The following ZFYVE9 variants were observed in gnomAD, a reference collection of about 807,000 sequenced individuals.
The protein encoded by ZFYVE9 is zinc finger FYVE-type containing 9.
A neutral mutation model predicts 126.7 loss-of-function variants in ZFYVE9; 43 were observed. The ratio of observed to expected loss-of-function variants is 0.34; its 90% CI spans 0.27 to 0.44. The LOEUF is 0.44. ZFYVE9 is among the 20% of genes least tolerant of loss of function. The pLI, the probability that ZFYVE9 is intolerant of heterozygous loss-of-function variation, is 1.00. For synonymous variants in ZFYVE9, 521 were observed against 597.4 expected (o/e 0.87, Z 1.87); for missense variants, 1,476 against 1,697.0 (o/e 0.87, Z 2.29).
chr1:52,278,705 ATATAGAGCCACATCTTTTTT>A lies in ZFYVE9; in HGVS notation c.2869+93_2869+112del, dbSNP rs1399502473. 6.4e-5 allele frequency: 54 copies of A among 849,772 alleles called. No homozygotes were observed. The Admixed American group carries it at 1.7e-3, about 27-fold the overall frequency. The allele number at this position is 849,772 out of a possible 1,614,324, so 52.6% of individuals were successfully genotyped here. ...AGATTTATTACACACAAGTATTTTT[ATATAGAGCCACATCTTTTTT>A]TTTTTCTTTTTTTTTTTTTGAGACA... On this transcript the variant is annotated intron_variant, in intron 9 of 18. Coordinates refer to ENST00000287727, the MANE Select transcript of ZFYVE9 (RefSeq NM_004799.4).
At chr1:52,292,021 G>T (rs1466358719) in intron 10 of ZFYVE9, among the ~76,000 whole-genome samples, 1 of 151,806 alleles carries the variant, frequency 6.6e-6, no homozygotes, top group Non-Finnish European at 1.5e-5. Flanking sequence ...GCTCGCGCCT[G>T]TAATCCCAGC....
chr1:52,294,352 A>G (rs1392179103), intron 11 of ZFYVE9, among the ~76,000 whole-genome samples: 3 of 152,150 alleles, frequency 2.0e-5, no homozygotes, highest in Admixed American at 6.6e-5. Flanking sequence ...CTTGCCTTCT[A>G]TTTTATATTG....
chr1:52,144,395 A>G (rs1392185404), intron 1 of ZFYVE9, among the ~76,000 whole-genome samples: 1 of 152,034 alleles, frequency 6.6e-6, no homozygotes, highest in African/African-American at 2.4e-5. Flanking sequence ...AGTGCTTGTT[A>G]TATATATAAG....
intron 1 of ZFYVE9, among the ~76,000 whole-genome samples, chr1:52,144,082 C>A (rs1261956199): frequency 6.6e-6 from 1 of 152,116 alleles, no homozygotes; most frequent in Non-Finnish European, 1.5e-5. Flanking sequence ...CAAGATGCCC[C>A]TCTCCGAGGC....
chr1:52,317,786 C>T (rs1479164670), intron 13 of ZFYVE9, among the ~76,000 whole-genome samples: 1 of 152,092 alleles, frequency 6.6e-6, no homozygotes, highest in Non-Finnish European at 1.5e-5. Context: ...ACAGTATGAA[C>T]ATGTTTTGGT....
intron 13 of ZFYVE9, among the ~76,000 whole-genome samples, chr1:52,317,052 C>T (rs567369967): frequency 6.6e-6 from 1 of 152,162 alleles, no homozygotes; most frequent in African/African-American, 2.4e-5. Flanking sequence ...AGAAAATTCC[C>T]AAATATTTGG....
Position 52,238,844 on chromosome 1 carries a change from A to G in ZFYVE9, c.1427A>G (p.Asn476Ser). The G allele has an allele frequency of 1.2e-6, 2 of 1,614,116 alleles. No homozygotes were observed. Among genetic ancestry groups the G allele is most frequent in the Non-Finnish European group, 1.7e-6 (2 of 1,179,970 alleles). ...ACACCAGCAGCAAATTATCTATCTA[A>G]TGGTTGTGATTCCTATGGAATGCAA... ...IDTPAANYLS[N>S]GCDSYGMQDP... The change falls in exon 4 of 19, where the codon AAT becomes AGT. Residue 476 changes from asparagine to serine, a missense_variant. Around this residue, in one of 2 missense-constraint regions of ZFYVE9, gnomAD observed 807 missense variants for 794.6 expected, o/e 1.02. Coordinates refer to ENST00000287727, the MANE Select transcript of ZFYVE9 (RefSeq NM_004799.4).
chr1:52,346,358 T>G lies in ZFYVE9; in HGVS notation c.*137T>G, dbSNP rs1646483872. On this transcript the variant is annotated 3_prime_UTR_variant, in exon 19 of 19. Coordinates refer to ENST00000287727, the MANE Select transcript of ZFYVE9 (RefSeq NM_004799.4). ...GTGGGGAATAGGGTGGGAGTGGGGGTTTGGGAGACGGGTGGGAAAGGGTGG... is the reference window on the plus strand; with the variant it reads ...GTGGGGAATAGGGTGGGAGTGGGGGGTTGGGAGACGGGTGGGAAAGGGTGG... 5 of 887,296 alleles carry G rather than the reference T, an allele frequency of 5.6e-6. No homozygotes were observed. The South Asian group carries it at 1.4e-4, about 25-fold the overall frequency. 55.0% of individuals were successfully genotyped at this position (887,296 alleles called of 1,614,324 possible).
At chr1:52,257,290 A>T (rs1328958150) in intron 4 of ZFYVE9, among the ~76,000 whole-genome samples, 1 of 152,218 alleles carries the variant, frequency 6.6e-6, no homozygotes, top group Non-Finnish European at 1.5e-5. Context: ...TATGAAGGAA[A>T]TACTGTATTA....
intron 1 of ZFYVE9, among the ~76,000 whole-genome samples, chr1:52,148,947 A>ATTTTTTTTTTTTTT (rs56300233): frequency 2.9e-5 from 1 of 34,218 alleles, no homozygotes; most frequent in Non-Finnish European, 5.8e-5. Flanking sequence ...CCTTAACATG[A>ATTTTTTTTTTTTTT]TTTTTTTTTT....
At position 52,282,948 on chromosome 1, in the gene ZFYVE9, G is replaced by A. The variant is rs116607356; in HGVS notation, c.3025+1132G>A. ...ATTTTTAATGTGATGTAGATTATGC[G>A]TAAAAGATTGTGCCTTTATGTCTTC... On this transcript the variant is annotated intron_variant, in intron 10 of 18. Transcript: ENST00000287727. Among the ~76,000 whole-genome samples, 753 of 152,292 alleles carry A rather than the reference G, an allele frequency of 4.9e-3. 6 individuals are homozygous for A. The highest frequency in any genetic ancestry group is 0.017 in the African/African-American group (705 of 41,568).
rs188139330 is a variant in ZFYVE9 at position 52,241,198 on chromosome 1, T to C, written c.2178+1603T>C. On this transcript the variant is annotated intron_variant, in intron 4 of 18. Coordinates refer to ENST00000287727, the MANE Select transcript of ZFYVE9 (RefSeq NM_004799.4). ...TACCTTAAATGTATACAATAAAATTTATTTTAAAAAAAGGAGAGGAGGAAA... is the reference window on the plus strand; with the variant it reads ...TACCTTAAATGTATACAATAAAATTCATTTTAAAAAAAGGAGAGGAGGAAA... Among the ~76,000 whole-genome samples the C allele has an allele frequency of 3.9e-5, 6 of 152,220 alleles. No individual in the cohort carries two copies. In the East Asian group the frequency reaches 9.7e-4, roughly 25 times the overall value.
At chr1:52,231,192 A>G (rs1474276156) in intron 2 of ZFYVE9, among the ~76,000 whole-genome samples, 1 of 152,188 alleles carries the variant, frequency 6.6e-6, no homozygotes, top group Non-Finnish European at 1.5e-5. Context: ...CCTATAAATA[A>G]TTAGACAACA....
intron 1 of ZFYVE9, among the ~76,000 whole-genome samples, chr1:52,148,610 A>T (rs1009914266): frequency 1.3e-4 from 20 of 152,060 alleles, no homozygotes; most frequent in African/African-American, 4.8e-4. Flanking sequence ...CTTCAGCTGT[A>T]TAAAAGGCTG....
chr1:52,270,413 G>A lies in ZFYVE9; in HGVS notation c.2625+1781G>A, dbSNP rs145324985. On this transcript the variant is annotated intron_variant, in intron 7 of 18. Transcript: ENST00000287727. ...CGAGTAGCTGGGACAACAGGCGCCC[G>A]CCACCATGCCCAGCTAATTTTTATG... Among the ~76,000 whole-genome samples, 322 of 152,098 alleles carry A rather than the reference G, an allele frequency of 2.1e-3. 1 individual carries two copies. Among genetic ancestry groups the A allele is most frequent in the Non-Finnish European group, 3.4e-3 (234 of 67,984 alleles).
At chr1:52,268,130 G>A (rs1036064237) in intron 6 of ZFYVE9, among the ~76,000 whole-genome samples, 6 of 152,082 alleles carry the variant, frequency 3.9e-5, no homozygotes, top group Non-Finnish European at 7.3e-5. Context: ...ATTTATTTCC[G>A]AGGCCCTTGA....
chr1:52,318,366 TTGTATGTGTGTG>T (rs1182511163), intron 13 of ZFYVE9, among the ~76,000 whole-genome samples: 42 of 84,006 alleles, frequency 5.0e-4, no homozygotes, highest in South Asian at 2.1e-3. Context: ...GAGAGCATGA[TTGTATGTGTGTG>T]TGTGTGTGTG....
Position 52,238,197 on chromosome 1 carries a change from G to C in ZFYVE9, c.780G>C (p.Ala260=), listed in dbSNP as rs149478229. The change falls in exon 4 of 19, where the codon GCG becomes GCC. Residue 260 remains alanine, a synonymous_variant. Transcript: ENST00000287727. ...TAGGTAGAGACCCCTCCATGTCTGC[G>C]ATTACAAGTTTAACGGTTGATTCAG... ...GSIGRDPSMS[A]ITSLTVDSVI... is the part of the protein sequence containing the mutation. 25 of 1,613,888 alleles carry C rather than the reference G, an allele frequency of 1.5e-5. No individual in the cohort carries two copies. Among genetic ancestry groups the C allele is most frequent in the Non-Finnish European group, 1.8e-5 (21 of 1,179,960 alleles).
chr1:52,343,466 G>A (rs977418102), intron 17 of ZFYVE9, among the ~76,000 whole-genome samples: 7 of 150,316 alleles, frequency 4.7e-5, no homozygotes, highest in African/African-American at 7.3e-5. Flanking sequence ...AAAAAAAGAA[G>A]TCCTTTGGGC....
Sources: gnomAD v4.1 joint callset for allele counts (sites outside exome capture counted in the v4.1 genomes callset) on GRCh38, gnomAD v4.1.1 for gene constraint, gnomAD v4.1.1 regional missense constraint, MANE v1.5 for transcripts, NCBI Gene and HGNC (gene_info 2026-07-23, HGNC 2026-07-21) for gene names.